ST6GALNAC5: variants seen among roughly 807,000 people sequenced by gnomAD.
ST6GALNAC5 encodes the protein alpha-N-acetylgalactosaminide alpha-2,6-sialyltransferase 5.
ST6GALNAC5 carries 27 observed loss-of-function variants against 33.6 expected under a neutral mutation model. The ratio of observed to expected loss-of-function variants is 0.80; its 90% CI spans 0.59 to 1.11. ST6GALNAC5 has a LOEUF of 1.11. Among genes scored for constraint, ST6GALNAC5 ranks in the 50% least tolerant of loss-of-function variants. The pLI is 0.00. For missense variants in ST6GALNAC5, 428 were observed against 454.0 expected, an observed-to-expected ratio of 0.94 and a Z score of 0.52; for synonymous variants, 194 against 171.2, an observed-to-expected ratio of 1.13 and a Z score of -1.04.
At chr1:76,925,411 A>T (rs1647074667) in intron 2 of ST6GALNAC5, among the ~76,000 whole-genome samples, 1 of 152,152 alleles carries the variant, frequency 6.6e-6, no homozygotes, top group Non-Finnish European at 1.5e-5. Flanking sequence ...CTTGAAGATG[A>T]TAGGGCTGAG....
At chr1:76,908,152 T>C (rs1389725518) in intron 2 of ST6GALNAC5, among the ~76,000 whole-genome samples, 1 of 152,146 alleles carries the variant, frequency 6.6e-6, no homozygotes, top group East Asian at 1.9e-4. Context: ...TTGTGCTCTC[T>C]GTCTTAGTAT....
intron 2 of ST6GALNAC5, among the ~76,000 whole-genome samples, chr1:77,041,858 C>T (rs935726074): frequency 6.6e-6 from 1 of 152,184 alleles, no homozygotes; most frequent in African/African-American, 2.4e-5. Flanking sequence ...CCACTGAGCC[C>T]AGTGCCCTCA....
intron 2 of ST6GALNAC5, among the ~76,000 whole-genome samples, chr1:76,949,270 A>G (rs967850142): frequency 1.3e-5 from 2 of 152,118 alleles, no homozygotes; most frequent in Non-Finnish European, 2.9e-5. Flanking sequence ...CCCGAGGCCA[A>G]TTCTCACAGT....
At chr1:76,982,690 C>G (rs1419450209) in intron 2 of ST6GALNAC5, among the ~76,000 whole-genome samples, 1 of 152,024 alleles carries the variant, frequency 6.6e-6, no homozygotes, top group Non-Finnish European at 1.5e-5. Context: ...TTAAGAAGAG[C>G]AACCCCAAGA....
intron 2 of ST6GALNAC5, among the ~76,000 whole-genome samples, chr1:76,997,937 T>G (rs1649997901): frequency 6.6e-6 from 1 of 152,170 alleles, no homozygotes; most frequent in African/African-American, 2.4e-5. Context: ...ATGGTGGCAG[T>G]TTCCTCTATG....
intron 2 of ST6GALNAC5, among the ~76,000 whole-genome samples, chr1:76,948,625 G>GAGA (rs1480547641): frequency 6.9e-6 from 1 of 144,764 alleles, no homozygotes; most frequent in African/African-American, 2.6e-5. Flanking sequence ...GAGAGAGAGA[G>GAGA]AACTACTGAA....
intron 2 of ST6GALNAC5, among the ~76,000 whole-genome samples, chr1:76,874,536 C>G (rs1653583339): frequency 6.6e-6 from 1 of 152,134 alleles, no homozygotes; most frequent in Admixed American, 6.5e-5. Flanking sequence ...GTCTAAGTCT[C>G]AAAACTGTAG....
chr1:77,025,006 G>C (rs990330258), intron 2 of ST6GALNAC5, among the ~76,000 whole-genome samples: 1 of 152,044 alleles, frequency 6.6e-6, no homozygotes, highest in Non-Finnish European at 1.5e-5. Context: ...CTCTCTCTCT[G>C]TCTGTGGATT....
In ST6GALNAC5 at chr1:76,885,336, G is replaced by A. The variant is rs74092207; in HGVS notation, c.261+16594G>A. 3.8e-3 allele frequency among the ~76,000 whole-genome samples: 581 copies of A among 150,932 alleles called. 5 individuals carry two copies. Among genetic ancestry groups the A allele is most frequent in the African/African-American group, 0.014 (556 of 41,114 alleles). On this transcript the variant is annotated intron_variant, in intron 2 of 4. Transcript: ENST00000477717. ...ATGCAGGTATACTCATTGTCTTCTC[G>A]AAATGACAAAAGGAAAAAAAAAAGA...
At chr1:76,983,116 T>C (rs1172164648) in intron 2 of ST6GALNAC5, among the ~76,000 whole-genome samples, 1 of 150,940 alleles carries the variant, frequency 6.6e-6, no homozygotes, top group Non-Finnish European at 1.5e-5. Flanking sequence ...ACAGGCAAAA[T>C]AACCAGCAAA....
At chr1:76,969,934 C>A (rs575005181) in intron 2 of ST6GALNAC5, among the ~76,000 whole-genome samples, 1 of 152,190 alleles carries the variant, frequency 6.6e-6, no homozygotes, top group Non-Finnish European at 1.5e-5. Flanking sequence ...CACCAGCAAA[C>A]TCCAACTGAC....
chr1:76,966,506 G>A (rs149271078), intron 2 of ST6GALNAC5, among the ~76,000 whole-genome samples: 2,352 of 152,304 alleles, frequency 0.015, 30 homozygotes, highest in Middle Eastern at 0.044. Flanking sequence ...GGGCTGAGAC[G>A]ATGGGGTTTT....
At chr1:77,039,492 G>A (rs1651765076) in intron 2 of ST6GALNAC5, among the ~76,000 whole-genome samples, 1 of 152,190 alleles carries the variant, frequency 6.6e-6, no homozygotes, top group Non-Finnish European at 1.5e-5. Context: ...CTTTAGCAAG[G>A]CCTGGGGTTT....
At chr1:76,943,688 G>T (rs538535233) in intron 2 of ST6GALNAC5, among the ~76,000 whole-genome samples, 4 of 152,144 alleles carry the variant, frequency 2.6e-5, no homozygotes, top group Middle Eastern at 3.4e-3. Flanking sequence ...AACAGTGTAG[G>T]AATGAAGCTA....
At chr1:77,027,372 G>T (rs1386243265) in intron 2 of ST6GALNAC5, among the ~76,000 whole-genome samples, 1 of 152,174 alleles carries the variant, frequency 6.6e-6, no homozygotes, top group Non-Finnish European at 1.5e-5. Flanking sequence ...GAGCTTAAGA[G>T]GGGTGACCAT....
In ST6GALNAC5 at chr1:77,065,204, C is replaced by T. The variant is rs1011618498; in HGVS notation, c.*1998C>T. 3.9e-5 allele frequency: 6 copies of T among 152,220 alleles called. No homozygotes were observed. The highest frequency in any genetic ancestry group is 3.9e-4 in the East Asian group (2 of 5,176). The allele number at this position is 152,220 out of a possible 1,614,324, so 9.4% of individuals were successfully genotyped here. Reference sequence around the variant, plus strand: ...GGCCACCTTTATAATCACTTGAAGACGTTATGTTGCTCAAACATAAGTGGC... The same window carrying T: ...GGCCACCTTTATAATCACTTGAAGATGTTATGTTGCTCAAACATAAGTGGC... On this transcript the variant is annotated 3_prime_UTR_variant, in exon 5 of 5. Coordinates refer to ENST00000477717, the MANE Select transcript of ST6GALNAC5 (RefSeq NM_030965.3).
chr1:76,878,563 G>C, intron 2 of ST6GALNAC5, among the ~76,000 whole-genome samples: 1 of 152,070 alleles, frequency 6.6e-6, no homozygotes, highest in East Asian at 1.9e-4. Flanking sequence ...TAAAAGGCTG[G>C]CGATCTCCTG....
intron 3 of ST6GALNAC5, among the ~76,000 whole-genome samples, chr1:77,047,361 T>C (rs1652053639): frequency 6.6e-6 from 1 of 152,214 alleles, no homozygotes; most frequent in African/African-American, 2.4e-5. Flanking sequence ...TAGGGTGTAA[T>C]GGTATTTCTC....
chr1:76,969,356 C>T (rs566503279), intron 2 of ST6GALNAC5, among the ~76,000 whole-genome samples: 10 of 152,302 alleles, frequency 6.6e-5, no homozygotes, highest in South Asian at 4.1e-4. Context: ...TCTTAGCAAA[C>T]GGCACACCAG....
Sources: allele counts gnomAD v4.1 joint callset (sites outside exome capture counted in the v4.1 genomes callset), GRCh38; gene constraint gnomAD v4.1.1; transcripts MANE v1.5; gene names NCBI Gene and HGNC (gene_info 2026-07-23, HGNC 2026-07-21).